RFTN2: variants seen among roughly 807,000 people sequenced by gnomAD.
RFTN2 encodes raftlin-2.
A neutral mutation model predicts 52.7 loss-of-function variants in RFTN2; 34 were observed. The ratio of observed to expected loss-of-function variants is 0.64; its 90% confidence interval spans 0.49 to 0.86. The LOEUF (loss-of-function observed/expected upper bound fraction) is 0.86. RFTN2 is among the 40% of genes least tolerant of loss of function. RFTN2 has a pLI of 0.00. For missense variants in RFTN2, 536 were observed against 600.1 expected (o/e 0.89, Z 1.12); for synonymous variants, 203 against 217.7 (o/e 0.93, Z 0.59).
intron 3 of RFTN2, among the ~76,000 whole-genome samples, chr2:197,634,397 T>C (rs1424341879): frequency 6.6e-6 from 1 of 152,166 alleles, no homozygotes; most frequent in Non-Finnish European, 1.5e-5. Context: ...TCTTCATTAA[T>C]AAAGGTTTAT....
At chr2:197,674,646 A>G (rs2089192288) in intron 1 of RFTN2, among the ~76,000 whole-genome samples, 1 of 152,212 alleles carries the variant, frequency 6.6e-6, no homozygotes, top group Non-Finnish European at 1.5e-5. Flanking sequence ...AATGAGGCAA[A>G]GTATTTGTGA....
intron 1 of RFTN2, among the ~76,000 whole-genome samples, chr2:197,673,012 G>A (rs1017283855): frequency 2.6e-5 from 4 of 152,146 alleles, no homozygotes; most frequent in Admixed American, 1.3e-4. Flanking sequence ...GCAGGACAGG[G>A]CACTGTGGAT....
intron 8 of RFTN2, among the ~76,000 whole-genome samples, chr2:197,580,972 G>T (rs755347770): frequency 6.6e-6 from 1 of 151,884 alleles, no homozygotes; most frequent in Admixed American, 6.6e-5. Flanking sequence ...AACCTCCTTC[G>T]TGTCTTCCTC....
chr2:197,575,856 ATAATATAT>A (rs1184990583), intron 8 of RFTN2, among the ~76,000 whole-genome samples: 4 of 142,720 alleles, frequency 2.8e-5, no homozygotes, highest in Non-Finnish European at 6.0e-5. Context: ...TTTTATATAC[ATAATATAT>A]TTATATATTA....
Position 197,576,557 on chromosome 2 carries a change from G to A in RFTN2, c.1234-4277C>T, listed in dbSNP as rs542993915. On this transcript the variant is annotated intron_variant, in intron 8 of 8. Transcript: ENST00000295049. ...AAATTATAAAATTCTTAGATAAATTGTAGAAATCAGATACCCAGGCTGATC... is the reference window on the plus strand; with the variant it reads ...AAATTATAAAATTCTTAGATAAATTATAGAAATCAGATACCCAGGCTGATC... Among the ~76,000 whole-genome samples the A allele has an allele frequency of 6.6e-5, 10 of 152,148 alleles. No homozygotes were observed. The South Asian group carries it at 1.9e-3, about 28-fold the overall frequency.
intron 1 of RFTN2, among the ~76,000 whole-genome samples, chr2:197,649,446 A>G (rs957848603): frequency 6.6e-6 from 1 of 152,214 alleles, no homozygotes; most frequent in Non-Finnish European, 1.5e-5. Flanking sequence ...TGAAATCCAG[A>G]AAGAAATCTG....
intron 3 of RFTN2, among the ~76,000 whole-genome samples, chr2:197,640,732 T>C (rs1221169158): frequency 2.0e-5 from 3 of 152,172 alleles, no homozygotes; most frequent in Admixed American, 2.0e-4. Context: ...ACCGGAGCTG[T>C]TCCTATTCGG....
intron 5 of RFTN2, among the ~76,000 whole-genome samples, chr2:197,624,335 C>T (rs1244769935): frequency 1.3e-5 from 2 of 152,056 alleles, no homozygotes; most frequent in African/African-American, 4.8e-5. Context: ...CGCGGTGACT[C>T]ATGCCTGTAA....
intron 5 of RFTN2, among the ~76,000 whole-genome samples, chr2:197,625,713 C>CCTCTCTTCTCCTCTCCTCTG (rs2088346553): frequency 7.1e-6 from 1 of 141,190 alleles, no homozygotes; most frequent in African/African-American, 2.6e-5. Flanking sequence ...CCTCTCCTCT[C>CCTCTCTTCTCCTCTCCTCTG]CTCTCCTCCC....
At chr2:197,642,047 T>A (rs533905532) in intron 3 of RFTN2, among the ~76,000 whole-genome samples, 44 of 152,262 alleles carry the variant, frequency 2.9e-4, no homozygotes, top group Non-Finnish European at 5.6e-4. Flanking sequence ...AGAAAAAAAA[T>A]TTCCCAGAAT....
chr2:197,616,695 G>A (rs1237699647), intron 6 of RFTN2, among the ~76,000 whole-genome samples: 1 of 152,198 alleles, frequency 6.6e-6, no homozygotes, highest in Admixed American at 6.5e-5. Flanking sequence ...GAGGACAAGA[G>A]TGGAGAGTGA....
chr2:197,594,462 G>C (rs1376430774), intron 8 of RFTN2, among the ~76,000 whole-genome samples: 1 of 152,030 alleles, frequency 6.6e-6, no homozygotes, highest in East Asian at 1.9e-4. Context: ...CAAGTAGCTG[G>C]GACTACAGGC....
At chr2:197,616,274 A>ATTTATTTTTTTT (rs879732758) in intron 6 of RFTN2, among the ~76,000 whole-genome samples, 50 of 116,656 alleles carry the variant, frequency 4.3e-4, no homozygotes, top group Non-Finnish European at 7.4e-4. Flanking sequence ...TCTGCATTTT[A>ATTTATTTTTTTT]TTTTATTTTA....
At chr2:197,612,882 G>A (rs2124317) in intron 7 of RFTN2, among the ~76,000 whole-genome samples, 102,966 of 152,094 alleles carry the variant, frequency 0.68, 35,159 homozygotes, top group Middle Eastern at 0.85. Flanking sequence ...AGAGTAGGGA[G>A]AATGTTGAAA....
intron 1 of RFTN2, among the ~76,000 whole-genome samples, chr2:197,669,110 G>C (rs940197655): frequency 2.0e-5 from 3 of 152,050 alleles, no homozygotes. Flanking sequence ...TCACTGTTTT[G>C]GTTCTTCCTA....
At chr2:197,594,950 T>C (rs2087773280) in intron 8 of RFTN2, among the ~76,000 whole-genome samples, 1 of 152,242 alleles carries the variant, frequency 6.6e-6, no homozygotes, top group Non-Finnish European at 1.5e-5. Flanking sequence ...TCTCTGCAGC[T>C]TTGCCCGAAA....
intron 1 of RFTN2, among the ~76,000 whole-genome samples, chr2:197,671,760 A>AATGCG (rs1477215871): frequency 1.3e-5 from 2 of 152,224 alleles, no homozygotes; most frequent in African/African-American, 2.4e-5. Flanking sequence ...CATTTTATGT[A>AATGCG]ATTCTACCAG....
rs1184950640 is a variant in RFTN2, at chr2:197,664,624, CA to C, written c.139+10695del. On this transcript the variant is annotated intron_variant, in intron 1 of 8. Transcript: ENST00000295049. ...TAGTTCTACAAAATTACAAAAATTA[CA>C]AAAAAAAAATTTAGCTGGGTGTGGT... 4.7e-5 allele frequency among the ~76,000 whole-genome samples: 7 copies of C among 148,188 alleles called. No homozygotes were observed. The South Asian group carries it at 8.6e-4, about 18-fold the overall frequency.
intron 5 of RFTN2, among the ~76,000 whole-genome samples, chr2:197,629,501 G>T (rs917392354): frequency 6.6e-6 from 1 of 151,840 alleles, no homozygotes. Flanking sequence ...TGTAAATGAC[G>T]ATTTGATGGG....
Sources: allele counts gnomAD v4.1 joint callset (sites outside exome capture counted in the v4.1 genomes callset), GRCh38; gene constraint gnomAD v4.1.1; transcripts MANE v1.5; gene names NCBI Gene and HGNC (gene_info 2026-07-23, HGNC 2026-07-21).